The following CDH4 variants were observed in gnomAD, a reference collection of about 807,000 sequenced individuals.
CDH4 encodes the protein cadherin-4.
Under a neutral mutation model 86.0 loss-of-function variants are expected in CDH4, and 33 were observed. The observed-to-expected ratio is 0.38, with a 90% CI of 0.29 to 0.51. The LOEUF is 0.51. CDH4 is among the 20% of genes least tolerant of loss of function. The pLI, the probability that CDH4 is intolerant of heterozygous loss-of-function variation, is 0.86. For synonymous variants in CDH4, 555 were observed against 549.4 expected (o/e 1.01, Z -0.14); for missense variants, 1,114 against 1,307.4 (o/e 0.85, Z 2.28).
chr20:61,874,722 C>G (rs1983945793), intron 7 of CDH4, among the ~76,000 whole-genome samples: 1 of 152,328 alleles, frequency 6.6e-6, no homozygotes. Context: ...CCTGCCTTCC[C>G]CATCTCCAGG....
chr20:61,748,074 G>T (rs999193181), intron 3 of CDH4, among the ~76,000 whole-genome samples: 3 of 152,194 alleles, frequency 2.0e-5, no homozygotes, highest in Non-Finnish European at 4.4e-5. Flanking sequence ...TGACTTCTCC[G>T]CAGGAGCTGG....
At chr20:61,899,594 A>AT in intron 8 of CDH4, among the ~76,000 whole-genome samples, 1 of 151,996 alleles carries the variant, frequency 6.6e-6, no homozygotes, top group Non-Finnish European at 1.5e-5. Context: ...CGCCCGGCTA[A>AT]TTTTTTGTAT....
intron 4 of CDH4, among the ~76,000 whole-genome samples, chr20:61,840,660 C>T (rs1982121182): frequency 6.6e-6 from 1 of 152,144 alleles, no homozygotes; most frequent in Non-Finnish European, 1.5e-5. Context: ...CCTGTCTGTG[C>T]TCCCTATTCA....
intron 2 of CDH4, among the ~76,000 whole-genome samples, chr20:61,561,833 G>T (rs2086218333): frequency 6.6e-6 from 1 of 152,244 alleles, no homozygotes; most frequent in African/African-American, 2.4e-5. Flanking sequence ...ACCCACAAAG[G>T]TTTATAGCTC....
At chr20:61,270,607 T>TA (rs145266348) in intron 2 of CDH4, among the ~76,000 whole-genome samples, 13,173 of 152,110 alleles carry the variant, frequency 0.087, 691 homozygotes, top group Non-Finnish European at 0.11. Flanking sequence ...GCAAAAAAAA[T>TA]AGAGTTATGT....
At chr20:61,861,684 A>G (rs1321219066) in intron 6 of CDH4, among the ~76,000 whole-genome samples, 1 of 151,958 alleles carries the variant, frequency 6.6e-6, no homozygotes, top group African/African-American at 2.4e-5. Flanking sequence ...TGTGGTGGTC[A>G]CCCCGCTTCT....
chr20:61,503,743 A>G (rs2085720737), intron 2 of CDH4, among the ~76,000 whole-genome samples: 1 of 152,258 alleles, frequency 6.6e-6, no homozygotes. Flanking sequence ...TAAATTATTA[A>G]TAACTAATGA....
chr20:61,312,939 T>C (rs1015408189), intron 2 of CDH4, among the ~76,000 whole-genome samples: 28 of 152,228 alleles, frequency 1.8e-4, no homozygotes, highest in African/African-American at 6.7e-4. Flanking sequence ...GCAGGTCCTC[T>C]CCCTCGATCC....
chr20:61,834,026 G>T (rs556928741), intron 4 of CDH4, among the ~76,000 whole-genome samples: 11 of 152,288 alleles, frequency 7.2e-5, no homozygotes, highest in African/African-American at 2.4e-4. Flanking sequence ...CAATCACAGT[G>T]CCCAGGGAGG....
At chr20:61,765,923 G>C (rs957564555) in intron 3 of CDH4, among the ~76,000 whole-genome samples, 6 of 152,084 alleles carry the variant, frequency 3.9e-5, no homozygotes, top group Admixed American at 3.9e-4. Context: ...CACCTGGCCA[G>C]GTGGAATGCC....
intron 2 of CDH4, among the ~76,000 whole-genome samples, chr20:61,732,093 T>A (rs2088197256): frequency 6.6e-6 from 1 of 152,242 alleles, no homozygotes; most frequent in Non-Finnish European, 1.5e-5. Flanking sequence ...TGACGGTGAC[T>A]CACTGCTGGG....
At chr20:61,559,699 A>G (rs2086202568) in intron 2 of CDH4, among the ~76,000 whole-genome samples, 1 of 151,578 alleles carries the variant, frequency 6.6e-6, no homozygotes, top group African/African-American at 2.4e-5. Context: ...TTGTATTTTT[A>G]GTAGAGACAG....
chr20:61,838,281 A>G (rs1981971249), intron 4 of CDH4, among the ~76,000 whole-genome samples: 1 of 152,032 alleles, frequency 6.6e-6, no homozygotes, highest in Non-Finnish European at 1.5e-5. Flanking sequence ...GTGTGTTCCC[A>G]GGGCCTAGAG....
At chr20:61,838,671 G>C (rs1296016916) in intron 4 of CDH4, among the ~76,000 whole-genome samples, 1 of 151,970 alleles carries the variant, frequency 6.6e-6, no homozygotes, top group Non-Finnish European at 1.5e-5. Context: ...GCTGGGTGTG[G>C]TGGGGGGAGC....
intron 2 of CDH4, among the ~76,000 whole-genome samples, chr20:61,608,387 C>G (rs1390746260): frequency 6.6e-6 from 1 of 152,210 alleles, no homozygotes; most frequent in Non-Finnish European, 1.5e-5. Flanking sequence ...TATGAAGAGA[C>G]AGCCCACAAA....
chr20:61,295,149 G>C (rs1239850559), intron 2 of CDH4, among the ~76,000 whole-genome samples: 1 of 152,208 alleles, frequency 6.6e-6, no homozygotes, highest in East Asian at 1.9e-4. Flanking sequence ...TTGATTATTT[G>C]ATGAATCAGG....
chr20:61,309,128 C>A (rs1056491678), intron 2 of CDH4, among the ~76,000 whole-genome samples: 2 of 152,262 alleles, frequency 1.3e-5, no homozygotes, highest in Non-Finnish European at 1.5e-5. Context: ...CGCTTCTGAG[C>A]GCGAGGCTGG....
chr20:61,771,511 C>T (rs1600970722), intron 3 of CDH4, among the ~76,000 whole-genome samples: 1 of 151,410 alleles, frequency 6.6e-6, no homozygotes, highest in African/African-American at 2.4e-5. Context: ...GTAATCCCAG[C>T]TACTCAGGAG....
chr20:61,867,096 C>T (rs530848090), intron 6 of CDH4, among the ~76,000 whole-genome samples: 14 of 152,332 alleles, frequency 9.2e-5, no homozygotes, highest in Non-Finnish European at 1.6e-4. Context: ...CTTCCAGGTG[C>T]CCACACACAC....
Sources: allele counts gnomAD v4.1 joint callset (sites outside exome capture counted in the v4.1 genomes callset), GRCh38; gene constraint gnomAD v4.1.1; transcripts MANE v1.5; gene names NCBI Gene and HGNC (gene_info 2026-07-23, HGNC 2026-07-21).